Variants in REPS2 observed in about 807,000 individuals in gnomAD.
REPS2 encodes the protein RALBP1 associated Eps domain containing 2.
Under a neutral mutation model 53.6 loss-of-function variants are expected in REPS2, and 23 were observed. That is an observed-to-expected ratio of 0.43 (90% CI 0.31 to 0.61). REPS2 has a LOEUF of 0.61. Among genes scored for constraint, REPS2 ranks in the 20% least tolerant of loss-of-function variants. REPS2 has a pLI of 0.11. For synonymous variants in REPS2, 238 were observed against 218.6 expected, an observed-to-expected ratio of 1.09 and a Z score of -0.78; for missense variants, 446 against 534.9, an observed-to-expected ratio of 0.83 and a Z score of 1.64.
intron 4 of REPS2, 107 bp downstream of exon 4, chrX:17,025,292 CT>C: frequency 1.2e-6 from 1 of 840,562 alleles, no homozygotes; most frequent in Non-Finnish European, 1.6e-6. Context: ...TTAATTACCC[CT>C]GTCTTTGGAA....
chrX:17,162,061 G>A, the REPS2 span, among the ~76,000 whole-genome samples: 3 of 112,228 alleles, frequency 2.7e-5, no homozygotes, highest in Non-Finnish European at 3.8e-5. Context: ...GACTGGCTTA[G>A]GTGTGCTTGA....
intron 1 of REPS2, among the ~76,000 whole-genome samples, chrX:16,993,859 A>G (rs1297383684): frequency 8.9e-6 from 1 of 112,967 alleles, no homozygotes; most frequent in Non-Finnish European, 1.9e-5. Flanking sequence ...AGTCCTGTTA[A>G]TAACAGAACT....
At chrX:17,043,487 C>T (rs896478752) in intron 5 of REPS2, among the ~76,000 whole-genome samples, 1 of 74,458 alleles carries the variant, frequency 1.3e-5, no homozygotes, top group African/African-American at 5.9e-5. Context: ...TATCTTTAGG[C>T]TTCTGCAGCC....
chrX:16,973,582 G>A (rs1437770628), intron 1 of REPS2, among the ~76,000 whole-genome samples: 3 of 111,622 alleles, frequency 2.7e-5, no homozygotes, highest in Non-Finnish European at 3.8e-5. Flanking sequence ...CTCAATATGG[G>A]CATTTCTGGT....
At chrX:16,999,783 A>G (rs1441206263) in intron 1 of REPS2, among the ~76,000 whole-genome samples, 2 of 109,898 alleles carry the variant, frequency 1.8e-5, no homozygotes, top group Non-Finnish European at 3.8e-5. Context: ...ACGGTGGCTC[A>G]CGCCTGTAAT....
chrX:17,092,215 G>C (rs961914875), intron 13 of REPS2, among the ~76,000 whole-genome samples: 1 of 111,476 alleles, frequency 9.0e-6, no homozygotes, highest in Non-Finnish European at 1.9e-5. Context: ...TTGATTAGGG[G>C]CTATGTAAAA....
At chrX:17,016,015 T>G (rs1037869398) in intron 2 of REPS2, among the ~76,000 whole-genome samples, 1 of 111,887 alleles carries the variant, frequency 8.9e-6, no homozygotes, top group Admixed American at 9.4e-5. Context: ...TGAACTAGTT[T>G]ACAGTCCCAC....
chrX:17,048,050 A>G (rs887515947), intron 6 of REPS2, among the ~76,000 whole-genome samples: 2 of 112,737 alleles, frequency 1.8e-5, no homozygotes, highest in African/African-American at 6.4e-5. Flanking sequence ...ATTCAAGCTC[A>G]GAGGAACTGG....
intron 8 of REPS2, among the ~76,000 whole-genome samples, chrX:17,059,013 CT>C (rs1179244167): frequency 7.8e-4 from 76 of 96,847 alleles, no homozygotes; most frequent in African/African-American, 1.0e-3. Flanking sequence ...TTCTTTCTTT[CT>C]TTTTTTTTTT....
intron 13 of REPS2, among the ~76,000 whole-genome samples, chrX:17,099,027 C>A (rs1337449609): frequency 8.9e-6 from 1 of 111,758 alleles, no homozygotes; most frequent in Non-Finnish European, 1.9e-5. Flanking sequence ...CTTCCTCAGT[C>A]AATTTCCATC....
intron 1 of REPS2, among the ~76,000 whole-genome samples, chrX:16,957,304 G>A (rs2060608754): frequency 3.6e-5 from 4 of 110,566 alleles, no homozygotes; most frequent in African/African-American, 1.3e-4. Flanking sequence ...TGGCTACTTG[G>A]TAGGCTGAGG....
At chrX:17,103,842 C>G in intron 14 of REPS2, 63 bp downstream of exon 14, 1 of 1,041,461 alleles carries the variant, frequency 9.6e-7, no homozygotes, top group East Asian at 3.0e-5. Context: ...TATCGCTGTG[C>G]TTCTTTGCAA....
In REPS2 at chrX:17,014,381, T is replaced by C. The variant is rs2061463658; in HGVS notation, c.398-7742T>C. ...ATCCACCATCCTCCTCTGCCAAACA[T>C]TTACAAGATCACCCTTCCCATTGTA... is the stretch of plus-strand genomic sequence containing the variant. On this transcript the variant is annotated intron_variant, in intron 2 of 17. Coordinates refer to ENST00000357277, the MANE Select transcript of REPS2 (RefSeq NM_004726.3). 2.7e-5 allele frequency among the ~76,000 whole-genome samples: 3 copies of C among 111,504 alleles called. No homozygotes were observed. The Admixed American group carries it at 2.9e-4, about 11-fold the overall frequency.
At chrX:17,000,026 G>A (rs1420802241) in intron 1 of REPS2, among the ~76,000 whole-genome samples, 14 of 79,149 alleles carry the variant, frequency 1.8e-4, no homozygotes, top group African/African-American at 7.1e-4. Flanking sequence ...CAGCCTGGGC[G>A]ACAGAGCGAG....
At chrX:17,028,230 C>G (rs2061670777) in intron 4 of REPS2, among the ~76,000 whole-genome samples, 2 of 111,328 alleles carry the variant, frequency 1.8e-5, no homozygotes, top group Admixed American at 1.9e-4. Flanking sequence ...GATTCACTTC[C>G]TAAGGAAAGC....
chrX:17,167,961 T>C, the REPS2 span, among the ~76,000 whole-genome samples: 1 of 111,198 alleles, frequency 9.0e-6, no homozygotes, highest in Non-Finnish European at 1.9e-5. Context: ...GGAGGAAGAA[T>C]TTACTTCCAA....
chrX:17,048,872 T>TTA (rs1322997706), intron 6 of REPS2, among the ~76,000 whole-genome samples: 1 of 113,029 alleles, frequency 8.8e-6, no homozygotes, highest in African/African-American at 3.2e-5. Context: ...TAGCTTATTA[T>TTA]GTATTTATTA....
intron 17 of REPS2, among the ~76,000 whole-genome samples, chrX:17,141,249 T>C (rs892789241): frequency 4.5e-4 from 51 of 112,371 alleles, no homozygotes; most frequent in African/African-American, 1.6e-3. Flanking sequence ...TTTTATACCA[T>C]AGTTTTGCCT....
chrX:17,066,101 C>T (rs958954723), intron 9 of REPS2, among the ~76,000 whole-genome samples: 3 of 111,907 alleles, frequency 2.7e-5, no homozygotes, highest in Non-Finnish European at 3.8e-5. Context: ...GGGTTTATTT[C>T]TGGGTTTTCA....
Sources: gnomAD v4.1 joint callset for allele counts (sites outside exome capture counted in the v4.1 genomes callset) on GRCh38, gnomAD v4.1.1 for gene constraint, MANE v1.5 for transcripts, NCBI Gene and HGNC (gene_info 2026-07-23, HGNC 2026-07-21) for gene names.